The following VWA3A variants were observed in gnomAD, a reference collection of about 807,000 sequenced individuals.
The protein encoded by VWA3A is von Willebrand factor A domain-containing protein 3A.
A neutral mutation model predicts 160.4 loss-of-function variants in VWA3A; 134 were observed. The observed-to-expected ratio is 0.84, with a 90% CI of 0.73 to 0.96. VWA3A has a LOEUF of 0.96. Among genes scored for constraint, VWA3A ranks in the 40% least tolerant of loss-of-function variants. The pLI, the probability that VWA3A is intolerant of heterozygous loss-of-function variation, is 0.00. For missense variants in VWA3A, 1,310 were observed against 1,447.9 expected, an observed-to-expected ratio of 0.90 and a Z score of 1.55; for synonymous variants, 476 against 543.4, an observed-to-expected ratio of 0.88 and a Z score of 1.72.
At chr16:22,154,761 T>C (rs2046409132) in intron 31 of VWA3A, among the ~76,000 whole-genome samples, 2 of 147,870 alleles carry the variant, frequency 1.4e-5, no homozygotes, top group African/African-American at 2.5e-5. Context: ...GAGACCATCC[T>C]GGCTAACAAG....
chr16:22,109,614 C>T lies in VWA3A; in HGVS notation c.582+34C>T, dbSNP rs767563209. On this transcript the variant is annotated intron_variant, in intron 7 of 33. Transcript: ENST00000389398. The stretch of plus-strand genomic sequence containing the variant: ...GTCTGGCACAGAGAAACACCTGGAA[C>T]CACCCACTACCCCCAGCCTTTCCTT... 2.6e-6 allele frequency: 4 copies of T among 1,567,232 alleles called. No homozygotes were observed. The South Asian group carries it at 4.5e-5, about 17-fold the overall frequency.
intron 17 of VWA3A, among the ~76,000 whole-genome samples, chr16:22,129,711 A>C (rs1366158187): frequency 6.6e-6 from 1 of 152,076 alleles, no homozygotes; most frequent in East Asian, 1.9e-4. Context: ...GCACCTGTGG[A>C]GATGCGAAGA....
intron 8 of VWA3A, among the ~76,000 whole-genome samples, chr16:22,111,529 T>C (rs1413764323): frequency 1.3e-5 from 2 of 152,178 alleles, no homozygotes; most frequent in East Asian, 1.9e-4. Flanking sequence ...TTGCCTAGGC[T>C]GGAGTACAGT....
intron 22 of VWA3A, among the ~76,000 whole-genome samples, chr16:22,139,069 G>A (rs561811657): frequency 6.6e-6 from 1 of 152,248 alleles, no homozygotes; most frequent in South Asian, 2.1e-4. Flanking sequence ...GGACACCTGT[G>A]AGTCCCTCAG....
intron 3 of VWA3A, among the ~76,000 whole-genome samples, chr16:22,098,229 C>A (rs1352808710): frequency 1.3e-5 from 2 of 152,202 alleles, no homozygotes; most frequent in African/African-American, 4.8e-5. Context: ...AAGGCTAGTG[C>A]ACAACCATGT....
intron 9 of VWA3A, 113 bp downstream of exon 9, chr16:22,115,585 AC>A: frequency 8.0e-7 from 1 of 1,245,074 alleles, no homozygotes; most frequent in South Asian, 1.6e-5. Flanking sequence ...TAATCCCAGC[AC>A]TTTGGGAGGC....
rs1424725314 is a variant in VWA3A, at chr16:22,142,780, A to G, written c.2592+15A>G. On this transcript the variant is annotated intron_variant, in intron 25 of 33. Coordinates refer to ENST00000389398, the MANE Select transcript of VWA3A (RefSeq NM_173615.5). ...CAAGCCAAGAGGTATTAAGTCACCC[A>G]TACTAGCACATGCCCATTAAGCAAT... 4 of 1,524,676 alleles carry G rather than the reference A, an allele frequency of 2.6e-6. No homozygotes were observed. The highest frequency in any genetic ancestry group is 2.4e-5 in the South Asian group (2 of 83,696). The allele number at this position is 1,524,676 out of a possible 1,614,324, so 94.4% of individuals were successfully genotyped here. A position where few individuals can be genotyped will look rare whatever the true frequency, so the allele number is the denominator to read the frequency against.
chr16:22,138,566 TG>T, intron 22 of VWA3A, 54 bp downstream of exon 22: 1 of 1,605,270 alleles, frequency 6.2e-7, no homozygotes, highest in South Asian at 1.1e-5. Flanking sequence ...GTTTGTCTTC[TG>T]GTCTTTCCTG....
Position 22,123,097 on chromosome 16 carries a change from CA to C in VWA3A, c.1371del (p.Gln457HisfsTer9). The C allele has an allele frequency of 6.2e-7, 1 of 1,603,474 alleles. No individual in the cohort carries two copies. Among genetic ancestry groups the C allele is most frequent in the Non-Finnish European group, 8.5e-7 (1 of 1,174,750 alleles). ...TGCCTGAGTATAGAAGGCAATGATA[CA>C]ATTTGAATGGCACGACGGGACAGTG... ...SSTIHEKAMIQFEWHDGTVKN... is the reference protein window; with the variant it reads ...SSTIHEKAMIXFEWHDGTVKN... On this transcript the variant is annotated frameshift_variant, in exon 15 of 34. Coordinates refer to ENST00000389398, the MANE Select transcript of VWA3A (RefSeq NM_173615.5). LOFTEE classifies it high-confidence loss of function.
intron 17 of VWA3A, among the ~76,000 whole-genome samples, chr16:22,129,074 A>C (rs1433220056): frequency 6.6e-6 from 1 of 152,102 alleles, no homozygotes; most frequent in Non-Finnish European, 1.5e-5. Flanking sequence ...CCCTGAGCCC[A>C]AAATAAAAGT....
intron 8 of VWA3A, 86 bp downstream of exon 8, chr16:22,111,080 C>A: frequency 8.4e-7 from 1 of 1,194,134 alleles, no homozygotes; most frequent in Non-Finnish European, 1.2e-6. Flanking sequence ...AATTCAACTG[C>A]AAACCCCAGG....
intron 19 of VWA3A, 67 bp from the exon 20 acceptor site, chr16:22,132,833 C>T: frequency 1.3e-6 from 2 of 1,507,920 alleles, no homozygotes. Flanking sequence ...CCAGGCTGGG[C>T]TGCCCAGAGC....
At chr16:22,155,745 A>G in intron 32 of VWA3A, 81 bp downstream of exon 32, 1 of 1,601,158 alleles carries the variant, frequency 6.2e-7, no homozygotes, top group Non-Finnish European at 8.6e-7. Flanking sequence ...GAAGGGCCGC[A>G]CCCATGATGG....
At chr16:22,105,536 C>T (rs1171992287) in intron 6 of VWA3A, among the ~76,000 whole-genome samples, 1 of 152,252 alleles carries the variant, frequency 6.6e-6, no homozygotes. Flanking sequence ...ATCTGGCCCA[C>T]AGCCATTCTG....
intron 31 of VWA3A, among the ~76,000 whole-genome samples, chr16:22,154,953 T>C (rs2046413718): frequency 1.3e-5 from 1 of 77,342 alleles, no homozygotes. Flanking sequence ...AGAGCGAGAC[T>C]CCGTCTCAAA....
intron 15 of VWA3A, 131 bp downstream of exon 15, chr16:22,123,296 C>A: frequency 1.8e-6 from 2 of 1,105,106 alleles, no homozygotes; most frequent in Non-Finnish European, 2.6e-6. Context: ...TGTGCTCCAC[C>A]TACAGGCCTC....
In VWA3A at chr16:22,111,765, G is replaced by A. The variant is rs147037523; in HGVS notation, c.689+771G>A. ...CCCAAAGTGTTGGGATTACAGGCACGAGCCACCACACCCAGTCAGTTTGTT... is the reference window on the plus strand; with the variant it reads ...CCCAAAGTGTTGGGATTACAGGCACAAGCCACCACACCCAGTCAGTTTGTT... On this transcript the variant is annotated intron_variant, in intron 8 of 33. Coordinates refer to ENST00000389398, the MANE Select transcript of VWA3A (RefSeq NM_173615.5). Among the ~76,000 whole-genome samples, 1,309 of 152,206 alleles carry A rather than the reference G, an allele frequency of 8.6e-3. 8 individuals are homozygous for A. Among genetic ancestry groups the A allele is most frequent in the Non-Finnish European group, 0.014 (925 of 68,008 alleles).
intron 29 of VWA3A, among the ~76,000 whole-genome samples, chr16:22,150,272 A>G (rs1417626925): frequency 1.3e-5 from 2 of 152,150 alleles, no homozygotes; most frequent in Admixed American, 6.6e-5. Context: ...GTGGTGGCAC[A>G]TGCCTGTAAT....
At chr16:22,108,354 A>G (rs769567772) in intron 6 of VWA3A, among the ~76,000 whole-genome samples, 4 of 152,238 alleles carry the variant, frequency 2.6e-5, no homozygotes, top group Non-Finnish European at 5.9e-5. Context: ...CCTATTTAGC[A>G]AGAGAAGATC....
Sources: allele counts gnomAD v4.1 joint callset (sites outside exome capture counted in the v4.1 genomes callset), GRCh38; gene constraint gnomAD v4.1.1; transcripts MANE v1.5; gene names NCBI Gene and HGNC (gene_info 2026-07-23, HGNC 2026-07-21).